The following EXOC2 variants were observed in gnomAD, a reference collection of about 807,000 sequenced individuals.
EXOC2 encodes the protein SEC5-like 1.
EXOC2 carries 70 observed loss-of-function variants against 131.8 expected under a neutral mutation model. That is an observed-to-expected ratio of 0.53 (90% CI 0.44 to 0.65). The LOEUF is 0.65. EXOC2 is among the 30% of genes least tolerant of loss of function. The probability of loss-of-function intolerance (pLI) is 0.00; values close to 1 mark genes in which losing one functional copy is unlikely to be tolerated. For synonymous variants in EXOC2, 411 were observed against 398.4 expected, an observed-to-expected ratio of 1.03 and a Z score of -0.38; for missense variants, 923 against 1,108.6, an observed-to-expected ratio of 0.83 and a Z score of 2.38.
chr6:625,271 CCTT>C (rs1434573004), intron 4 of EXOC2, among the ~76,000 whole-genome samples: 1 of 152,232 alleles, frequency 6.6e-6, no homozygotes, highest in Non-Finnish European at 1.5e-5. Flanking sequence ...CAATGGGCCT[CCTT>C]CTGAGACAGC....
chr6:535,144 T>A (rs1766363161), intron 22 of EXOC2, among the ~76,000 whole-genome samples: 1 of 152,018 alleles, frequency 6.6e-6, no homozygotes. Flanking sequence ...GAAATCAATA[T>A]CTTAAAAAGG....
intron 1 of EXOC2, among the ~76,000 whole-genome samples, chr6:680,679 A>G (rs2127797747): frequency 6.6e-6 from 1 of 152,282 alleles, no homozygotes; most frequent in South Asian, 2.1e-4. Context: ...TCTGAGTTAT[A>G]TGCATTTTTT....
At chr6:496,926 T>C (rs992264166) in intron 25 of EXOC2, among the ~76,000 whole-genome samples, 9 of 152,190 alleles carry the variant, frequency 5.9e-5, no homozygotes, top group Non-Finnish European at 1.2e-4. Context: ...GTTATGTGCA[T>C]GCCAAAGTCA....
intron 1 of EXOC2, among the ~76,000 whole-genome samples, chr6:658,659 ATATATAT>A (rs1449355793): frequency 1.4e-5 from 1 of 73,202 alleles, no homozygotes; most frequent in African/African-American, 4.5e-5. Flanking sequence ...ATATATATAT[ATATATAT>A]TTTTTTTTTT....
At chr6:532,650 G>T (rs138016298) in intron 22 of EXOC2, 40 bp from the exon 23 acceptor site, 2 of 1,395,142 alleles carry the variant, frequency 1.4e-6, no homozygotes, top group Admixed American at 2.8e-5. Flanking sequence ...GCCTATTTGA[G>T]GGTGATGGAA....
intron 22 of EXOC2, among the ~76,000 whole-genome samples, chr6:535,745 A>G (rs974039133): frequency 6.6e-6 from 1 of 152,244 alleles, no homozygotes; most frequent in African/African-American, 2.4e-5. Context: ...ATTATAGCAC[A>G]CACAAACATT....
intron 23 of EXOC2, among the ~76,000 whole-genome samples, chr6:508,204 C>T (rs889464195): frequency 1.3e-5 from 2 of 152,146 alleles, no homozygotes; most frequent in East Asian, 1.9e-4. Context: ...TCACATATGC[C>T]GTCCCGCCCG....
intron 27 of EXOC2, among the ~76,000 whole-genome samples, chr6:487,113 T>C (rs1383398805): frequency 2.0e-5 from 3 of 152,180 alleles, no homozygotes; most frequent in Non-Finnish European, 2.9e-5. Context: ...TGTTAGATGG[T>C]TCTATGAACG....
chr6:574,998 T>C (rs1758498493), intron 12 of EXOC2, among the ~76,000 whole-genome samples: 1 of 152,260 alleles, frequency 6.6e-6, no homozygotes, highest in South Asian at 2.1e-4. Context: ...AATCTAAAAA[T>C]GGAAGCACTG....
At chr6:604,462 G>A (rs774190770) in intron 7 of EXOC2, among the ~76,000 whole-genome samples, 4 of 152,154 alleles carry the variant, frequency 2.6e-5, no homozygotes, top group Admixed American at 6.5e-5. Context: ...TGCCTCTGGC[G>A]TACCTCCCTT....
intron 1 of EXOC2, chr6:670,260 G>C (rs115361171): frequency 6.6e-6 from 1 of 152,214 alleles, no homozygotes; most frequent in Non-Finnish European, 1.5e-5. Flanking sequence ...ACACAAGCAG[G>C]TTCTTTGGCT....
In EXOC2 at chr6:536,082, G is replaced by A. The variant is rs551292427; in HGVS notation, c.2239-3472C>T. 4.9e-4 allele frequency among the ~76,000 whole-genome samples: 75 copies of A among 152,206 alleles called. No individual in the cohort carries two copies. In the South Asian group the frequency reaches 0.015, roughly 31 times the overall value. ...GCATCTACAAAATGGTACAAATATA[G>A]AGTGCTTTCTCCAGAAGATCAGGAA... is the stretch of plus-strand genomic sequence containing the variant. On this transcript the variant is annotated intron_variant, in intron 22 of 27. Transcript: ENST00000230449.
intron 5 of EXOC2, 54 bp downstream of exon 5, chr6:619,376 A>G (rs971826047): frequency 7.1e-7 from 1 of 1,416,378 alleles, no homozygotes; most frequent in African/African-American, 1.4e-5. Context: ...GTGTAATTCC[A>G]TCTTTAGCAT....
Position 486,687 on chromosome 6 carries a change from G to T in EXOC2, c.2759C>A (p.Thr920Asn). Residue 920 changes from threonine to asparagine, a missense_variant, in exon 28 of 28, where the codon ACC (threonine) becomes AAC (asparagine). Physicochemically the swap from Thr to Asn is moderately conservative, Grantham distance 65. Coordinates refer to ENST00000230449, the MANE Select transcript of EXOC2 (RefSeq NM_018303.6). ...GGCAGATATTTATGTTTTCATCATG[G>T]TTGAAGAAGCTGCTTGGAAACAGGT... ...QLTCFQAASS[T>N]MMKT 6.2e-7 allele frequency: 1 copy of T among 1,614,010 alleles called. No individual in the cohort carries two copies.
At chr6:503,177 T>A (rs942281273) in intron 23 of EXOC2, among the ~76,000 whole-genome samples, 8 of 152,306 alleles carry the variant, frequency 5.3e-5, no homozygotes, top group African/African-American at 7.2e-5. Context: ...TTTTTTTTTT[T>A]TTATTACCGA....
intron 6 of EXOC2, among the ~76,000 whole-genome samples, chr6:617,091 C>T (rs1030169395): frequency 1.3e-5 from 2 of 152,024 alleles, no homozygotes; most frequent in African/African-American, 4.8e-5. Flanking sequence ...AGTATCTTAG[C>T]TATTAAAAAG....
At chr6:531,132 T>G (rs1455299129) in intron 23 of EXOC2, among the ~76,000 whole-genome samples, 1 of 152,114 alleles carries the variant, frequency 6.6e-6, no homozygotes, top group Admixed American at 6.5e-5. Flanking sequence ...CAGCAGGGGA[T>G]TGACAGGATC....
At chr6:623,137 C>T (rs1452100714) in intron 4 of EXOC2, among the ~76,000 whole-genome samples, 2 of 152,204 alleles carry the variant, frequency 1.3e-5, no homozygotes, top group African/African-American at 4.8e-5. Flanking sequence ...AGCTCTTCAG[C>T]CATGAACATC....
intron 20 of EXOC2, 91 bp from the exon 21 acceptor site, chr6:554,011 A>T (rs1355866002): frequency 4.1e-6 from 4 of 975,374 alleles, no homozygotes; most frequent in African/African-American, 1.6e-5. Flanking sequence ...CGTGCAATGA[A>T]TTATATGGAA....
Sources: gnomAD v4.1 joint callset for allele counts (sites outside exome capture counted in the v4.1 genomes callset) on GRCh38, gnomAD v4.1.1 for gene constraint, MANE v1.5 for transcripts, NCBI Gene and HGNC (gene_info 2026-07-23, HGNC 2026-07-21) for gene names.